ROCK1: variants seen among roughly 807,000 people sequenced by gnomAD.
ROCK1 encodes the protein Rho associated coiled-coil containing protein kinase 1.
Under a neutral mutation model 196.8 loss-of-function variants are expected in ROCK1, and 36 were observed. That is an observed-to-expected ratio of 0.18 (90% CI 0.14 to 0.24). The LOEUF (loss-of-function observed/expected upper bound fraction) is 0.24. Among genes scored for constraint, ROCK1 ranks in the 10% least tolerant of loss-of-function variants. The pLI is 1.00. For missense variants in ROCK1, 920 were observed against 1,562.0 expected (o/e 0.59, Z 6.93); for synonymous variants, 443 against 515.9 (o/e 0.86, Z 1.91).
intron 1 of ROCK1, among the ~76,000 whole-genome samples, chr18:21,091,142 A>G (rs2036566692): frequency 6.6e-6 from 1 of 151,900 alleles, no homozygotes; most frequent in Non-Finnish European, 1.5e-5. Context: ...CCCCTGATAC[A>G]AAGACCAATC....
At chr18:21,049,290 A>G in intron 3 of ROCK1, 61 bp from the exon 4 acceptor site, 2 of 1,298,628 alleles carry the variant, frequency 1.5e-6, no homozygotes, top group South Asian at 3.7e-5. Flanking sequence ...TCAAGGTTTC[A>G]CAGAACAATT....
At chr18:21,084,562 G>A (rs2036509979) in intron 1 of ROCK1, among the ~76,000 whole-genome samples, 1 of 152,076 alleles carries the variant, frequency 6.6e-6, no homozygotes, top group South Asian at 2.1e-4. Flanking sequence ...AACATCACTT[G>A]ACACCCATTA....
rs772777412 is a variant in ROCK1, at chr18:21,023,690, A to C, written c.1212-10T>G. ...TGCTGAAGATAAGTATCTGAGGGAAAGAAAAGTTTAAAAAGAAAAGAAAAC... is the reference window on the plus strand; with the variant it reads ...TGCTGAAGATAAGTATCTGAGGGAACGAAAAGTTTAAAAAGAAAAGAAAAC... On this transcript the variant is annotated splice_polypyrimidine_tract_variant and intron_variant, in intron 10 of 32. Coordinates refer to ENST00000399799, the MANE Select transcript of ROCK1 (RefSeq NM_005406.3). 1.3e-6 allele frequency: 2 copies of C among 1,526,996 alleles called. No homozygotes were observed. Among genetic ancestry groups the C allele is most frequent in the Non-Finnish European group, 1.8e-6 (2 of 1,124,320 alleles). 94.6% of individuals were successfully genotyped at this position (1,526,996 alleles called of 1,614,324 possible). A position where few individuals can be genotyped will look rare whatever the true frequency, so the allele number is the denominator to read the frequency against.
At chr18:21,047,305 A>G (rs928701980) in intron 4 of ROCK1, among the ~76,000 whole-genome samples, 3 of 152,142 alleles carry the variant, frequency 2.0e-5, no homozygotes, top group African/African-American at 7.2e-5. Context: ...TGAGGTGGGA[A>G]GAGTCACTAC....
intron 29 of ROCK1, among the ~76,000 whole-genome samples, chr18:20,959,080 A>AT (rs2035289254): frequency 2.7e-5 from 1 of 37,268 alleles, no homozygotes; most frequent in African/African-American, 1.7e-4. Flanking sequence ...TATATAATAT[A>AT]TATATTTTAT....
rs992816180 is a variant in ROCK1 at position 20,973,134 on chromosome 18, C to T, written c.2655-2621G>A. 3.0e-4 allele frequency among the ~76,000 whole-genome samples: 45 copies of T among 152,314 alleles called. No homozygotes were observed. The East Asian group carries it at 3.9e-3, about 13-fold the overall frequency. ...CCTCAGGGAATCCACCCGCCTTGGCCTCCCAAAGTGCTGGGATTACAGGCG... is the reference window on the plus strand; with the variant it reads ...CCTCAGGGAATCCACCCGCCTTGGCTTCCCAAAGTGCTGGGATTACAGGCG... On this transcript the variant is annotated intron_variant, in intron 22 of 32. Transcript: ENST00000399799.
intron 2 of ROCK1, among the ~76,000 whole-genome samples, chr18:21,057,547 C>T (rs967910617): frequency 2.0e-5 from 3 of 152,120 alleles, no homozygotes; most frequent in Admixed American, 6.5e-5. Flanking sequence ...ATTGGCCAGG[C>T]GCTGTGACTC....
At chr18:21,076,990 G>A (rs1447200589) in intron 1 of ROCK1, among the ~76,000 whole-genome samples, 3 of 141,306 alleles carry the variant, frequency 2.1e-5, no homozygotes, top group South Asian at 4.7e-4. Context: ...TTTTTGAGAC[G>A]GAGTCTCGCT....
rs2036134764 is a variant in ROCK1 at position 21,044,096 on chromosome 18, A to C, written c.675+6T>G. ...CAAAAACTAAATTAAAATCTAGTTA[A>C]TTAACCTTATTCATCTTCATACAAG... is the stretch of plus-strand genomic sequence containing the variant. On this transcript the variant is annotated splice_donor_region_variant and intron_variant, in intron 6 of 32. Coordinates refer to ENST00000399799, the MANE Select transcript of ROCK1 (RefSeq NM_005406.3). 1 of 1,548,488 alleles carries C rather than the reference A, an allele frequency of 6.5e-7. No individual in the cohort carries two copies. Among genetic ancestry groups the C allele is most frequent in the Non-Finnish European group, 8.9e-7 (1 of 1,125,376 alleles).
At chr18:21,059,796 C>T (rs145441536) in intron 2 of ROCK1, among the ~76,000 whole-genome samples, 1 of 152,250 alleles carries the variant, frequency 6.6e-6, no homozygotes, top group Non-Finnish European at 1.5e-5. Flanking sequence ...AAATGTCCAT[C>T]AGCTGATAAG....
Position 21,020,004 on chromosome 18 carries a change from G to C in ROCK1, c.1361+147C>G, listed in dbSNP as rs2035900841. On this transcript the variant is annotated intron_variant, in intron 12 of 32. Coordinates refer to ENST00000399799, the MANE Select transcript of ROCK1 (RefSeq NM_005406.3). ...ACATAAATACAACTTCTCAATTCTA[G>C]CCGAGACACATCATGAATGTATTAT... 6.0e-5 allele frequency: 27 copies of C among 451,086 alleles called. No individual in the cohort carries two copies. In the South Asian group the frequency reaches 1.1e-3, roughly 19 times the overall value. The allele number at this position is 451,086 out of a possible 1,614,324, so 27.9% of individuals were successfully genotyped here.
At chr18:20,999,305 A>G (rs1020135097) in intron 16 of ROCK1, among the ~76,000 whole-genome samples, 1 of 152,230 alleles carries the variant, frequency 6.6e-6, no homozygotes, top group Non-Finnish European at 1.5e-5. Context: ...ACATACAAAA[A>G]TTAAAAATAA....
Position 21,006,347 on chromosome 18 carries a change from T to C in ROCK1, c.1885+4A>G, listed in dbSNP as rs1267640715. On this transcript the variant is annotated splice_donor_region_variant and intron_variant, in intron 16 of 32. Transcript: ENST00000399799. ...TATTTTACCACAATAAGAAAAAATA[T>C]TACCTTGAAGGTCTCCAATCATCTC... 6.3e-7 allele frequency: 1 copy of C among 1,595,842 alleles called. No homozygotes were observed. Among genetic ancestry groups the C allele is most frequent in the African/African-American group, 1.4e-5 (1 of 73,924 alleles).
chr18:21,060,826 C>A (rs1367623670), intron 2 of ROCK1, among the ~76,000 whole-genome samples: 1 of 119,476 alleles, frequency 8.4e-6, no homozygotes, highest in Non-Finnish European at 1.6e-5. Context: ...GCGAGAAGAG[C>A]GAAACTCCAT....
At chr18:21,108,208 T>C (rs1339890416) in intron 1 of ROCK1, among the ~76,000 whole-genome samples, 1 of 152,230 alleles carries the variant, frequency 6.6e-6, no homozygotes, top group Non-Finnish European at 1.5e-5. Flanking sequence ...CAAATCTGTC[T>C]GTTGACTATT....
At chr18:21,107,829 G>A (rs1308814309) in intron 1 of ROCK1, among the ~76,000 whole-genome samples, 4 of 152,290 alleles carry the variant, frequency 2.6e-5, no homozygotes, top group Non-Finnish European at 4.4e-5. Context: ...CAAGGCAGGC[G>A]GATTCCTTGG....
At chr18:21,031,217 C>T (rs1211500025) in intron 9 of ROCK1, among the ~76,000 whole-genome samples, 1 of 152,156 alleles carries the variant, frequency 6.6e-6, no homozygotes, top group African/African-American at 2.4e-5. Flanking sequence ...TAGAAGGATA[C>T]AGCTGCTTTA....
At chr18:21,105,486 G>C (rs2036695361) in intron 1 of ROCK1, among the ~76,000 whole-genome samples, 1 of 152,122 alleles carries the variant, frequency 6.6e-6, no homozygotes, top group South Asian at 2.1e-4. Flanking sequence ...TTCATTCCAA[G>C]AGTAATATAC....
chr18:21,075,778 C>A (rs1388189187), intron 1 of ROCK1, among the ~76,000 whole-genome samples: 5 of 151,726 alleles, frequency 3.3e-5, no homozygotes, highest in Non-Finnish European at 7.4e-5. Context: ...CATGGAGAAA[C>A]CCCTTCTTTA....
Sources: gnomAD v4.1 joint callset for allele counts (sites outside exome capture counted in the v4.1 genomes callset) on GRCh38, gnomAD v4.1.1 for gene constraint, MANE v1.5 for transcripts, NCBI Gene and HGNC (gene_info 2026-07-23, HGNC 2026-07-21) for gene names.